FANCC: variants seen among roughly 807,000 people sequenced by gnomAD.
FANCC encodes Fanconi anemia group C protein.
FANCC carries 55 observed loss-of-function variants against 71.3 expected under a neutral mutation model. That is an observed-to-expected ratio of 0.77 (90% CI 0.62 to 0.97). The LOEUF is 0.97. Ranked by LOEUF, FANCC falls within the 50% of genes least tolerant of loss-of-function variation. The probability of loss-of-function intolerance (pLI) is 0.00; values close to 1 mark genes in which losing one functional copy is unlikely to be tolerated. For synonymous variants in FANCC, 275 were observed against 244.9 expected, an observed-to-expected ratio of 1.12 and a Z score of -1.15; for missense variants, 678 against 670.9, an observed-to-expected ratio of 1.01 and a Z score of -0.12.
At chr9:95,130,995 A>G (rs1390532103) in intron 8 of FANCC, among the ~76,000 whole-genome samples, 1 of 152,234 alleles carries the variant, frequency 6.6e-6, no homozygotes, top group Non-Finnish European at 1.5e-5. Context: ...TTACATTTTC[A>G]GATCTATTTT....
chr9:95,219,664 TGTA>T (rs1829109002), intron 4 of FANCC, among the ~76,000 whole-genome samples: 1 of 152,238 alleles, frequency 6.6e-6, no homozygotes, highest in South Asian at 2.1e-4. Context: ...GCTAGCCATA[TGTA>T]GAAAGCTGAA....
Position 95,101,603 on chromosome 9 carries a change from G to T in FANCC, c.*104C>A. On this transcript the variant is annotated 3_prime_UTR_variant, in exon 15 of 15. Transcript: ENST00000289081. ...GTACAGCTCATTCTCACAGCCCAGC[G>T]AGGGCACTTACTCCACAAATGCGTG... The T allele has an allele frequency of 7.2e-7, 1 of 1,390,578 alleles. No homozygotes were observed. The highest frequency in any genetic ancestry group is 1.0e-6 in the Non-Finnish European group (1 of 997,304). The allele number at this position is 1,390,578 out of a possible 1,614,324, so 86.1% of individuals were successfully genotyped here. A position where few individuals can be genotyped will look rare whatever the true frequency, so the allele number is the denominator to read the frequency against.
chr9:95,281,431 C>T (rs1372841709), intron 1 of FANCC, among the ~76,000 whole-genome samples: 1 of 152,004 alleles, frequency 6.6e-6, no homozygotes, highest in East Asian at 1.9e-4. Flanking sequence ...GAATATTACA[C>T]CTACCAAAGC....
chr9:95,147,843 A>G (rs985166054), intron 7 of FANCC, among the ~76,000 whole-genome samples: 3 of 152,184 alleles, frequency 2.0e-5, no homozygotes, highest in Non-Finnish European at 4.4e-5. Context: ...CTTACAATAG[A>G]ATCTCTGGAC....
At chr9:95,311,880 G>A (rs919070562) in intron 1 of FANCC, among the ~76,000 whole-genome samples, 5 of 152,100 alleles carry the variant, frequency 3.3e-5, no homozygotes, top group African/African-American at 1.2e-4. Flanking sequence ...CATCATTGGG[G>A]CTCTAGAGGA....
intron 1 of FANCC, among the ~76,000 whole-genome samples, chr9:95,304,748 T>G (rs1834971175): frequency 2.1e-5 from 1 of 47,244 alleles, no homozygotes; most frequent in Non-Finnish European, 3.5e-5. Flanking sequence ...AGACTCTATC[T>G]CAAAAAAAAA....
intron 4 of FANCC, among the ~76,000 whole-genome samples, chr9:95,216,578 A>T (rs1387037442): frequency 1.3e-5 from 2 of 152,250 alleles, no homozygotes; most frequent in Non-Finnish European, 2.9e-5. Flanking sequence ...ACAGGGTCTC[A>T]TTCAGAAGAA....
rs1217413988 is a variant in FANCC, at chr9:95,141,995, T to TG, written c.687-6494_687-6493insC. On this transcript the variant is annotated intron_variant, in intron 7 of 14. Coordinates refer to ENST00000289081, the MANE Select transcript of FANCC (RefSeq NM_000136.3). ...TTAACAGTTTGTGGGGTTTTTTTTT[T>TG]TTTTTTTTTTTTTTGAGGCAGAGTT... Among the ~76,000 whole-genome samples, 749 of 141,060 alleles carry TG rather than the reference T, an allele frequency of 5.3e-3. 7 individuals are homozygous for TG. Among genetic ancestry groups the TG allele is most frequent in the African/African-American group, 0.019 (710 of 37,948 alleles). The allele number at this position is 141,060 out of a possible 152,430, so 92.5% of individuals were successfully genotyped here.
intron 1 of FANCC, among the ~76,000 whole-genome samples, chr9:95,306,087 G>A (rs548764163): frequency 6.6e-6 from 1 of 152,282 alleles, no homozygotes; most frequent in South Asian, 2.1e-4. Flanking sequence ...ACAAAAATGA[G>A]TTTGGTATCT....
chr9:95,221,371 TA>T (rs762371098), intron 4 of FANCC, among the ~76,000 whole-genome samples: 1 of 152,114 alleles, frequency 6.6e-6, no homozygotes, highest in Non-Finnish European at 1.5e-5. Flanking sequence ...TATCTAAATG[TA>T]AAAAGTAACA....
At chr9:95,151,131 G>A (rs967761442) in intron 6 of FANCC, among the ~76,000 whole-genome samples, 1 of 152,064 alleles carries the variant, frequency 6.6e-6, no homozygotes, top group African/African-American at 2.4e-5. Flanking sequence ...TCTTACCCGT[G>A]CTTTACTTCT....
chr9:95,211,222 C>A (rs181338871), intron 4 of FANCC, among the ~76,000 whole-genome samples: 155 of 152,332 alleles, frequency 1.0e-3, no homozygotes, highest in Admixed American at 2.7e-3. Flanking sequence ...CTTTCTGAAT[C>A]AGGGCTGGAG....
chr9:95,152,375 G>A lies in FANCC; in HGVS notation c.522-2288C>T, dbSNP rs1830224928. On this transcript the variant is annotated intron_variant, in intron 6 of 14. Coordinates refer to ENST00000289081, the MANE Select transcript of FANCC (RefSeq NM_000136.3). ...AATTTACCAAGAAGGTGATATGTGA[G>A]CAGAGCTCTGAAGGAAGTACATGAA... Among the ~76,000 whole-genome samples, 7 of 152,182 alleles carry A rather than the reference G, an allele frequency of 4.6e-5. No homozygotes were observed. In the South Asian group the frequency reaches 1.4e-3, roughly 32 times the overall value.
In FANCC at chr9:95,310,654, A is replaced by G. The variant is rs147349917; in HGVS notation, c.-79+6872T>C. On this transcript the variant is annotated intron_variant, in intron 1 of 14. Transcript: ENST00000289081. ...TGACTGTGACGAATCAATAAAACAC[A>G]CTCCTTAAACCAATAAAAGTCCACC... Among the ~76,000 whole-genome samples the G allele has an allele frequency of 7.0e-3, 1,064 of 151,986 alleles. 8 individuals carry two copies. The highest frequency in any genetic ancestry group is 0.012 in the Non-Finnish European group (824 of 67,962).
At chr9:95,293,414 G>T (rs1378579118) in intron 1 of FANCC, 1 of 1,577,986 alleles carries the variant, frequency 6.3e-7, no homozygotes, top group East Asian at 2.2e-5. Flanking sequence ...TAGATTCAGA[G>T]GCTTGCTCTC....
intron 1 of FANCC, among the ~76,000 whole-genome samples, chr9:95,251,117 T>A (rs1313335118): frequency 6.6e-6 from 1 of 152,196 alleles, no homozygotes; most frequent in African/African-American, 2.4e-5. Flanking sequence ...ATCCTGGGCT[T>A]TATTCGTTCA....
At chr9:95,179,056 T>C (rs1362574143) in intron 4 of FANCC, among the ~76,000 whole-genome samples, 2 of 152,190 alleles carry the variant, frequency 1.3e-5, no homozygotes, top group Non-Finnish European at 2.9e-5. Context: ...TTCGCTAACT[T>C]TGGATTAAAA....
chr9:95,107,617 C>T, intron 13 of FANCC: 1 of 414,904 alleles, frequency 2.4e-6, no homozygotes, highest in Non-Finnish European at 4.5e-6. Context: ...ACTCGCCTAT[C>T]ACAGCCACAA....
intron 1 of FANCC, chr9:95,292,858 G>A: frequency 1.3e-6 from 2 of 1,585,814 alleles, no homozygotes; most frequent in Non-Finnish European, 1.7e-6. Context: ...AATTCGTACG[G>A]TACAGAATGG....
Sources: gnomAD v4.1 joint callset for allele counts (sites outside exome capture counted in the v4.1 genomes callset) on GRCh38, gnomAD v4.1.1 for gene constraint, MANE v1.5 for transcripts, NCBI Gene and HGNC (gene_info 2026-07-23, HGNC 2026-07-21) for gene names.